TUSC3: variants seen among roughly 807,000 people sequenced by gnomAD.
TUSC3 encodes the protein tumor suppressor candidate 3.
In TUSC3, 45 loss-of-function variants were observed where a neutral mutation model predicts 44.8. That is an observed-to-expected ratio of 1.00 (90% CI 0.79 to 1.29). TUSC3 has a LOEUF of 1.29. Among genes scored for constraint, TUSC3 ranks in the 50% most tolerant of loss-of-function variants. The probability of loss-of-function intolerance (pLI) is 0.00; values close to 1 mark genes in which losing one functional copy is unlikely to be tolerated. For synonymous variants in TUSC3, 212 were observed against 152.9 expected (o/e 1.39, Z -2.85); for missense variants, 519 against 437.9 (o/e 1.19, Z -1.65).
At chr8:15,487,410 C>A (rs910175575) in intron 2 of TUSC3, among the ~76,000 whole-genome samples, 1 of 152,164 alleles carries the variant, frequency 6.6e-6, no homozygotes, top group African/African-American at 2.4e-5. Context: ...AGTTTCTTTT[C>A]TAGCATCCAA....
intron 1 of TUSC3, among the ~76,000 whole-genome samples, chr8:15,590,272 G>A (rs1803772314): frequency 6.6e-6 from 1 of 152,128 alleles, no homozygotes; most frequent in Admixed American, 6.5e-5. Context: ...TTGCAGATGA[G>A]GAATTCCAGA....
intron 2 of TUSC3, among the ~76,000 whole-genome samples, chr8:15,640,675 C>G (rs1391624702): frequency 3.9e-5 from 6 of 152,082 alleles, no homozygotes; most frequent in Admixed American, 3.9e-4. Flanking sequence ...GAACTGGATA[C>G]TAGTATGGTG....
rs1806860783 is a variant in TUSC3 at position 15,650,730 on chromosome 8, C to T, written c.342C>T (p.Asn114=). Residue 114 remains asparagine (N), a synonymous_variant, in exon 3 of 11, where the codon AAC becomes AAT. Coordinates refer to ENST00000503731, the MANE Select transcript of TUSC3 (RefSeq NM_006765.4). The stretch of plus-strand genomic sequence containing the variant: ...ATGAAGAATATCAAATACTGGCGAA[C>T]TCCTGGCGCTATTCATCTGCTTTTT... The part of the protein sequence containing the change: ...QANEEYQILA[N]SWRYSSAFCN... 6.2e-7 allele frequency: 1 copy of T among 1,614,072 alleles called. No homozygotes were observed. Among genetic ancestry groups the T allele is most frequent in the Admixed American group, 1.7e-5 (1 of 60,014 alleles).
chr8:15,767,415 C>T (rs1415843972), downstream of TUSC3, among the ~76,000 whole-genome samples: 1 of 148,576 alleles, frequency 6.7e-6, no homozygotes, highest in African/African-American at 2.5e-5. Context: ...CAGGGACATA[C>T]CTGTCCTTAG....
chr8:15,585,770 C>A (rs1045118083), intron 1 of TUSC3, among the ~76,000 whole-genome samples: 4 of 152,204 alleles, frequency 2.6e-5, no homozygotes, highest in Non-Finnish European at 5.9e-5. Flanking sequence ...AGTCAAGCCC[C>A]TCAGTGTCTG....
the TUSC3 span, among the ~76,000 whole-genome samples, chr8:15,784,967 C>T: frequency 2.0e-5 from 3 of 151,552 alleles, no homozygotes; most frequent in South Asian, 2.1e-4. Context: ...TTTGATCATG[C>T]CACAATACAT....
At chr8:15,732,700 C>T (rs1222637298) in intron 7 of TUSC3, among the ~76,000 whole-genome samples, 1 of 152,130 alleles carries the variant, frequency 6.6e-6, no homozygotes, top group Non-Finnish European at 1.5e-5. Context: ...AATACAAAGG[C>T]ATTGTTTTTC....
intron 3 of TUSC3, among the ~76,000 whole-genome samples, chr8:15,658,849 C>T (rs1008461332): frequency 5.3e-5 from 8 of 151,844 alleles, no homozygotes; most frequent in Admixed American, 1.3e-4. Flanking sequence ...TGGAAATTAC[C>T]TGTAGAAAAT....
At chr8:15,654,804 AT>A (rs752789612) in intron 3 of TUSC3, among the ~76,000 whole-genome samples, 183 of 149,990 alleles carry the variant, frequency 1.2e-3, no homozygotes, top group Non-Finnish European at 2.0e-3. Flanking sequence ...CTCAAAAAAA[AT>A]AATAATAAAT....
At chr8:15,803,535 A>T in the TUSC3 span, among the ~76,000 whole-genome samples, 1 of 152,214 alleles carries the variant, frequency 6.6e-6, no homozygotes, top group Non-Finnish European at 1.5e-5. Context: ...GTAGCATAAA[A>T]GGTTAAATAG....
intron 1 of TUSC3, among the ~76,000 whole-genome samples, chr8:15,550,402 T>C (rs979499176): frequency 2.0e-5 from 3 of 151,708 alleles, no homozygotes; most frequent in Non-Finnish European, 4.4e-5. Flanking sequence ...CTGTAGAATG[T>C]GATTTTACAA....
intron 1 of TUSC3, among the ~76,000 whole-genome samples, chr8:15,430,351 C>G (rs549608169): frequency 6.7e-6 from 1 of 150,012 alleles, no homozygotes; most frequent in African/African-American, 2.5e-5. Context: ...CGTAATCCAG[C>G]GTATAAACAG....
chr8:15,603,937 C>G (rs961697234), intron 1 of TUSC3, among the ~76,000 whole-genome samples: 8 of 151,598 alleles, frequency 5.3e-5, no homozygotes, highest in African/African-American at 1.7e-4. Flanking sequence ...TTTAGAGTGA[C>G]TTTTACTCAT....
chr8:15,618,992 T>C (rs985122573), intron 1 of TUSC3, among the ~76,000 whole-genome samples: 1 of 152,198 alleles, frequency 6.6e-6, no homozygotes, highest in Non-Finnish European at 1.5e-5. Flanking sequence ...TTTTGGCAAA[T>C]GCAGTCATGG....
At chr8:15,848,631 G>A in the TUSC3 span, among the ~76,000 whole-genome samples, 6 of 152,132 alleles carry the variant, frequency 3.9e-5, no homozygotes, top group Admixed American at 3.3e-4. Context: ...TGGGTGATCT[G>A]TCTTATGGAC....
At chr8:15,779,532 G>A in the TUSC3 span, among the ~76,000 whole-genome samples, 1 of 152,054 alleles carries the variant, frequency 6.6e-6, no homozygotes, top group Non-Finnish European at 1.5e-5. Flanking sequence ...TGCTAATTAA[G>A]ACAACATAAT....
chr8:15,634,795 C>T (rs2129169324), intron 2 of TUSC3, among the ~76,000 whole-genome samples: 1 of 152,314 alleles, frequency 6.6e-6, no homozygotes, highest in South Asian at 2.1e-4. Context: ...TGTAACTTCA[C>T]CTTTTCTCCA....
intron 6 of TUSC3, among the ~76,000 whole-genome samples, chr8:15,676,200 A>ATTAAATTATTAGAAATTAAATGTATGTAT: frequency 6.6e-6 from 1 of 152,262 alleles, no homozygotes; most frequent in South Asian, 2.1e-4. Context: ...AATGTATGTA[A>ATTAAATTATTAGAAATTAAATGTATGTAT]TTAAATTATT....
chr8:15,598,956 C>T (rs1429892957), intron 1 of TUSC3, among the ~76,000 whole-genome samples: 2 of 151,476 alleles, frequency 1.3e-5, no homozygotes. Flanking sequence ...TGAGTAGATC[C>T]CAAGGAATGC....
Sources: gnomAD v4.1 joint callset for allele counts (sites outside exome capture counted in the v4.1 genomes callset) on GRCh38, gnomAD v4.1.1 for gene constraint, MANE v1.5 for transcripts, NCBI Gene and HGNC (gene_info 2026-07-23, HGNC 2026-07-21) for gene names.